The following EYS variants were observed in gnomAD, a reference collection of about 807,000 sequenced individuals.
EYS encodes the protein EGF-like photoreceptor maintenance factor, also known as protein eyes shut homolog.
Under a neutral mutation model 282.1 loss-of-function variants are expected in EYS, and 250 were observed. That is an observed-to-expected ratio of 0.89 (90% CI 0.80 to 0.98). The LOEUF is 0.98. Ranked by LOEUF, EYS falls within the 50% of genes least tolerant of loss-of-function variation. The pLI, the probability that EYS is intolerant of heterozygous loss-of-function variation, is 0.00. For missense variants in EYS, 4,016 were observed against 3,709.0 expected (o/e 1.08, Z -2.15); for synonymous variants, 1,355 against 1,282.9 (o/e 1.06, Z -1.20).
intron 2 of EYS, among the ~76,000 whole-genome samples, chr6:65,570,450 A>AT (rs1764439586): frequency 6.6e-6 from 1 of 152,128 alleles, no homozygotes; most frequent in Non-Finnish European, 1.5e-5. Context: ...CTGCTGTGCC[A>AT]TTTTTCCCCT....
intron 35 of EYS, among the ~76,000 whole-genome samples, chr6:63,976,083 T>C (rs1218290008): frequency 3.9e-5 from 6 of 151,932 alleles, no homozygotes; most frequent in Non-Finnish European, 5.9e-5. Context: ...AAAAGATGTA[T>C]AAAAATACAG....
intron 22 of EYS, among the ~76,000 whole-genome samples, chr6:64,652,683 T>C (rs1188031102): frequency 6.6e-6 from 1 of 152,206 alleles, no homozygotes; most frequent in Non-Finnish European, 1.5e-5. Context: ...TGATAATTTG[T>C]TATGCAGCAA....
chr6:63,823,803 A>T (rs544574250), intron 36 of EYS, among the ~76,000 whole-genome samples: 1 of 151,648 alleles, frequency 6.6e-6, no homozygotes, highest in South Asian at 2.1e-4. Flanking sequence ...CATTTGTTTC[A>T]GCTACATTTT....
chr6:64,817,085 A>G (rs1451481534), intron 21 of EYS, among the ~76,000 whole-genome samples: 1 of 151,934 alleles, frequency 6.6e-6, no homozygotes, highest in African/African-American at 2.4e-5. Flanking sequence ...TATTTTAAAG[A>G]TTTGTTTCTA....
At chr6:64,041,457 G>A (rs561049465) in intron 33 of EYS, among the ~76,000 whole-genome samples, 2 of 152,190 alleles carry the variant, frequency 1.3e-5, no homozygotes. Flanking sequence ...CAAAAGATAA[G>A]TGCTTTCTAT....
intron 41 of EYS, among the ~76,000 whole-genome samples, chr6:63,736,871 T>G (rs1232507344): frequency 6.6e-6 from 1 of 152,176 alleles, no homozygotes; most frequent in Non-Finnish European, 1.5e-5. Context: ...AGTTCACTCA[T>G]GATTTGGCTC....
intron 22 of EYS, among the ~76,000 whole-genome samples, chr6:64,664,968 A>G (rs763722632): frequency 6.6e-6 from 1 of 152,234 alleles, no homozygotes; most frequent in Non-Finnish European, 1.5e-5. Flanking sequence ...ATATACATCT[A>G]TTACTATAGA....
rs553802720 is a variant in EYS, at chr6:65,120,623, C to A, written c.2024-62896G>T. ...TTGGAATAGACAAGATTCTGCACTTCTAAAACCTCAGAGGGACTCCAGTGC... is the reference window on the plus strand; with the variant it reads ...TTGGAATAGACAAGATTCTGCACTTATAAAACCTCAGAGGGACTCCAGTGC... On this transcript the variant is annotated intron_variant, in intron 12 of 42. Coordinates refer to ENST00000503581, the MANE Select transcript of EYS (RefSeq NM_001142800.2). Among the ~76,000 whole-genome samples the A allele has an allele frequency of 7.2e-5, 11 of 152,222 alleles. 2 individuals are homozygous for A. The highest frequency in any genetic ancestry group is 2.6e-4 in the African/African-American group (11 of 41,552).
rs115497364 is a variant in EYS, at chr6:65,601,218, A to G, written c.-333+38560T>C. Among the ~76,000 whole-genome samples the G allele has an allele frequency of 5.0e-3, 765 of 152,102 alleles. 7 individuals carry two copies. Among genetic ancestry groups the G allele is most frequent in the African/African-American group, 0.018 (744 of 41,552 alleles). On this transcript the variant is annotated intron_variant, in intron 2 of 42. Transcript: ENST00000503581. ...TAAATACATTAAGATTAAATACATTAAGGTTAATTTGAGAGTAGTTTTAAT... is the reference window on the plus strand; with the variant it reads ...TAAATACATTAAGATTAAATACATTGAGGTTAATTTGAGAGTAGTTTTAAT...
At chr6:64,634,155 T>C (rs953094087) in intron 22 of EYS, among the ~76,000 whole-genome samples, 5 of 152,152 alleles carry the variant, frequency 3.3e-5, no homozygotes, top group Admixed American at 3.3e-4. Context: ...AGCTAATTTT[T>C]GTATTTTTAG....
chr6:64,709,801 T>G (rs1274442861), intron 22 of EYS, among the ~76,000 whole-genome samples: 1 of 152,218 alleles, frequency 6.6e-6, no homozygotes, highest in Non-Finnish European at 1.5e-5. Context: ...TTATTTTAAC[T>G]TTGTGGCATG....
chr6:64,028,810 T>C (rs905002753), intron 33 of EYS, among the ~76,000 whole-genome samples: 1 of 152,188 alleles, frequency 6.6e-6, no homozygotes, highest in African/African-American at 2.4e-5. Context: ...CAGGCTACTC[T>C]AGATCTTTTG....
chr6:64,623,337 A>G (rs543630271), intron 23 of EYS, among the ~76,000 whole-genome samples: 2 of 152,292 alleles, frequency 1.3e-5, no homozygotes, highest in Non-Finnish European at 2.9e-5. Context: ...ATGAATGCAC[A>G]AGTGTCAGTG....
intron 35 of EYS, among the ~76,000 whole-genome samples, chr6:63,952,093 C>G (rs1765621112): frequency 6.6e-6 from 1 of 152,216 alleles, no homozygotes; most frequent in Admixed American, 6.5e-5. Context: ...AACCCAGCCG[C>G]ACCTCCAGCA....
intron 36 of EYS, chr6:63,822,304 G>T (rs1771345875): frequency 6.6e-6 from 1 of 152,094 alleles, no homozygotes; most frequent in Admixed American, 6.6e-5. Flanking sequence ...AGTAGAAACA[G>T]GTTTCACCAT....
intron 30 of EYS, among the ~76,000 whole-genome samples, chr6:64,293,936 GA>G (rs1467788096): frequency 6.6e-6 from 1 of 152,076 alleles, no homozygotes; most frequent in Non-Finnish European, 1.5e-5. Context: ...GCCTGAATGA[GA>G]AATCAATCTT....
intron 33 of EYS, among the ~76,000 whole-genome samples, chr6:64,001,608 A>G (rs915738223): frequency 1.3e-5 from 2 of 152,180 alleles, no homozygotes; most frequent in African/African-American, 4.8e-5. Flanking sequence ...TCTAAAACAA[A>G]TGAAAAGGCT....
At chr6:64,804,396 A>T (rs1354646109) in intron 22 of EYS, among the ~76,000 whole-genome samples, 1 of 152,182 alleles carries the variant, frequency 6.6e-6, no homozygotes, top group African/African-American at 2.4e-5. Flanking sequence ...TTTTATTCTT[A>T]CCAAAATTTA....
chr6:64,145,844 A>G (rs533835071), intron 31 of EYS, among the ~76,000 whole-genome samples: 1 of 152,258 alleles, frequency 6.6e-6, no homozygotes, highest in East Asian at 1.9e-4. Context: ...TGACTTATTA[A>G]TAGCCATGAC....
Sources: allele counts gnomAD v4.1 joint callset (sites outside exome capture counted in the v4.1 genomes callset), GRCh38; gene constraint gnomAD v4.1.1; transcripts MANE v1.5; gene names NCBI Gene and HGNC (gene_info 2026-07-23, HGNC 2026-07-21).